FGF12: variants seen among roughly 807,000 people sequenced by gnomAD.
FGF12 encodes fibroblast growth factor 12.
A neutral mutation model predicts 23.6 loss-of-function variants in FGF12; 14 were observed. That is an observed-to-expected ratio of 0.59 (90% CI 0.39 to 0.93). The LOEUF (loss-of-function observed/expected upper bound fraction) is 0.93, where lower values mean the gene tolerates loss of function less well. Among genes scored for constraint, FGF12 ranks in the 40% least tolerant of loss-of-function variants. FGF12 has a pLI of 0.00. For synonymous variants in FGF12, 62 were observed against 77.3 expected, an observed-to-expected ratio of 0.80 and a Z score of 1.04; for missense variants, 175 against 217.8, an observed-to-expected ratio of 0.80 and a Z score of 1.24.
Position 192,657,324 on chromosome 3 carries a change from A to C in FGF12, c.13+69857T>G, listed in dbSNP as rs148806397. ...CCTGTCACTTCACTAGATAGTCCCA[A>C]TGCTTTTAGAGTTTTTCTGTCTGAT... On this transcript the variant is annotated intron_variant, in intron 2 of 5. Transcript: ENST00000445105. 2.4e-3 allele frequency among the ~76,000 whole-genome samples: 368 copies of C among 152,152 alleles called. 1 individual carries two copies. Among genetic ancestry groups the C allele is most frequent in the African/African-American group, 8.4e-3 (347 of 41,522 alleles).
At chr3:192,641,557 A>G (rs1372757322) in intron 2 of FGF12, among the ~76,000 whole-genome samples, 1 of 151,644 alleles carries the variant, frequency 6.6e-6, no homozygotes, top group African/African-American at 2.4e-5. Context: ...GGCATGCACC[A>G]CCATGCCCAA....
At chr3:192,499,516 A>ATATATATATAT (rs1340223374) in intron 2 of FGF12, among the ~76,000 whole-genome samples, 5 of 38,868 alleles carry the variant, frequency 1.3e-4, no homozygotes, top group East Asian at 9.5e-4. Flanking sequence ...ATATATATAT[A>ATATATATATAT]TTTTTTTTTT....
intron 4 of FGF12, among the ~76,000 whole-genome samples, chr3:192,251,739 A>G (rs1712027055): frequency 6.6e-6 from 1 of 152,190 alleles, no homozygotes; most frequent in Admixed American, 6.5e-5. Context: ...AAAGCCAGAT[A>G]CAAATGGCCC....
At chr3:192,633,891 A>T (rs1715486873) in intron 2 of FGF12, among the ~76,000 whole-genome samples, 1 of 152,164 alleles carries the variant, frequency 6.6e-6, no homozygotes, top group South Asian at 2.1e-4. Context: ...ACCAAGGTGA[A>T]TTAGACAGGT....
chr3:192,550,361 TTA>T (rs1300714811), intron 2 of FGF12, among the ~76,000 whole-genome samples: 1 of 149,874 alleles, frequency 6.7e-6, no homozygotes, highest in Non-Finnish European at 1.5e-5. Context: ...ATATAATAGA[TTA>T]TATGTGTGTA....
intron 2 of FGF12, among the ~76,000 whole-genome samples, chr3:192,716,226 T>C (rs554836301): frequency 1.3e-5 from 2 of 152,254 alleles, no homozygotes; most frequent in East Asian, 3.9e-4. Flanking sequence ...TGATCTGTGT[T>C]TTTGTACACA....
chr3:192,196,562 A>T (rs1254824825), intron 4 of FGF12, among the ~76,000 whole-genome samples: 5 of 152,152 alleles, frequency 3.3e-5, no homozygotes, highest in Admixed American at 2.6e-4. Flanking sequence ...ACAAAAAAAA[A>T]ATCCCATCTA....
chr3:192,727,421 C>T (rs1484366362), intron 1 of FGF12, 63 bp downstream of exon 1: 1 of 1,289,420 alleles, frequency 7.8e-7, no homozygotes, highest in East Asian at 2.6e-5. Context: ...TACGTTGCGA[C>T]GCGCATCTGA....
At chr3:192,348,936 A>G (rs1718083402) in intron 3 of FGF12, among the ~76,000 whole-genome samples, 1 of 152,162 alleles carries the variant, frequency 6.6e-6, no homozygotes, top group Non-Finnish European at 1.5e-5. Context: ...GGTGTTCAGT[A>G]AACAGTTACT....
chr3:192,344,840 T>C (rs1364553894), intron 3 of FGF12, among the ~76,000 whole-genome samples: 1 of 152,084 alleles, frequency 6.6e-6, no homozygotes. Flanking sequence ...AACGTGATTA[T>C]TTTTTCATTA....
At chr3:192,400,475 TCTCCTGCCTCAGC>T (rs1183102647) in intron 2 of FGF12, among the ~76,000 whole-genome samples, 1 of 151,470 alleles carries the variant, frequency 6.6e-6, no homozygotes, top group Non-Finnish European at 1.5e-5. Context: ...TTCAAATGAT[TCTCCTGCCTCAGC>T]CTCCTAAGTA....
intron 2 of FGF12, among the ~76,000 whole-genome samples, chr3:192,594,875 T>C (rs542287468): frequency 5.7e-4 from 86 of 151,986 alleles, no homozygotes; most frequent in African/African-American, 2.0e-3. Flanking sequence ...CAATAGAAAA[T>C]GGACTAAGAT....
chr3:192,508,714 T>G (rs1422722179), intron 2 of FGF12, among the ~76,000 whole-genome samples: 1 of 152,230 alleles, frequency 6.6e-6, no homozygotes. Flanking sequence ...TTTATCTTAG[T>G]TGTATTCAAA....
At chr3:192,668,028 T>C (rs1408075492) in intron 2 of FGF12, among the ~76,000 whole-genome samples, 2 of 152,172 alleles carry the variant, frequency 1.3e-5, no homozygotes, top group Admixed American at 6.5e-5. Flanking sequence ...GTTGTGATGT[T>C]TGTAATAACC....
chr3:192,599,254 T>TATAATAATAATA (rs11269443), intron 2 of FGF12, among the ~76,000 whole-genome samples: 1,833 of 98,310 alleles, frequency 0.019, 23 homozygotes, highest in African/African-American at 0.049. Flanking sequence ...GAACTTGAAG[T>TATAATAATAATA]ATAATAATAA....
chr3:192,685,839 A>G (rs945294283), intron 2 of FGF12, among the ~76,000 whole-genome samples: 3 of 152,208 alleles, frequency 2.0e-5, no homozygotes, highest in Non-Finnish European at 4.4e-5. Context: ...TAGTATTTTA[A>G]GGTTGTCCTC....
rs189345563 is a variant in FGF12, at chr3:192,415,759, C to T, written c.14-55221G>A. On this transcript the variant is annotated intron_variant, in intron 2 of 5. Transcript: ENST00000445105. The stretch of plus-strand genomic sequence containing the variant: ...ACACACACACACACACACACACACA[C>T]ACACACACACACACACACTCATGTT... Among the ~76,000 whole-genome samples the T allele has an allele frequency of 6.2e-3, 944 of 151,736 alleles. 14 individuals are homozygous for T. Among genetic ancestry groups the T allele is most frequent in the African/African-American group, 0.02 (843 of 41,326 alleles).
intron 4 of FGF12, among the ~76,000 whole-genome samples, chr3:192,290,648 G>A (rs988930445): frequency 6.6e-6 from 1 of 152,062 alleles, no homozygotes; most frequent in Non-Finnish European, 1.5e-5. Flanking sequence ...TGAGTAGCAG[G>A]GATGGGACTT....
chr3:192,671,925 A>C (rs903144852), intron 2 of FGF12, among the ~76,000 whole-genome samples: 3 of 152,242 alleles, frequency 2.0e-5, no homozygotes, highest in Non-Finnish European at 4.4e-5. Flanking sequence ...TTTCATAATT[A>C]ACTGGATTTA....
Sources: allele counts gnomAD v4.1 joint callset (sites outside exome capture counted in the v4.1 genomes callset), GRCh38; gene constraint gnomAD v4.1.1; transcripts MANE v1.5; gene names NCBI Gene and HGNC (gene_info 2026-07-23, HGNC 2026-07-21).